MAF: variants seen among roughly 807,000 people sequenced by gnomAD.
The protein encoded by MAF is transcription factor Maf.
MAF carries 10 observed loss-of-function variants against 22.0 expected under a neutral mutation model. The ratio of observed to expected loss-of-function variants is 0.45; its 90% CI spans 0.28 to 0.77. The LOEUF (loss-of-function observed/expected upper bound fraction) is 0.77, where lower values mean the gene tolerates loss of function less well. Ranked by LOEUF, MAF falls within the 30% of genes least tolerant of loss-of-function variation. MAF has a pLI of 0.12. For synonymous variants in MAF, 337 were observed against 255.8 expected (o/e 1.32, Z -3.03); for missense variants, 544 against 548.4 (o/e 0.99, Z 0.08).
At chr16:79,209,665 C>T in the MAF span, among the ~76,000 whole-genome samples, 17,207 of 152,178 alleles carry the variant, frequency 0.11, 1,361 homozygotes, top group African/African-American at 0.22. Flanking sequence ...AAAACACCAT[C>T]TCCACCAGAA....
chr16:79,226,295 T>C, the MAF span, among the ~76,000 whole-genome samples: 14 of 151,946 alleles, frequency 9.2e-5, no homozygotes, highest in African/African-American at 3.4e-4. Flanking sequence ...AACCAAACAC[T>C]GTACGTTCTG....
At chr16:79,401,799 G>T in the MAF span, among the ~76,000 whole-genome samples, 1 of 152,212 alleles carries the variant, frequency 6.6e-6, no homozygotes, top group Non-Finnish European at 1.5e-5. Flanking sequence ...GACAAGAGCT[G>T]CTGAGATGAC....
chr16:79,240,665 A>G, the MAF span, among the ~76,000 whole-genome samples: 4 of 152,024 alleles, frequency 2.6e-5, no homozygotes, highest in East Asian at 3.9e-4. Context: ...AGAGAGCAGC[A>G]GAACTCCCAG....
the MAF span, among the ~76,000 whole-genome samples, chr16:79,251,055 A>G: frequency 3.5e-4 from 53 of 151,916 alleles, no homozygotes; most frequent in Admixed American, 3.3e-3. Context: ...TGACCTTCAG[A>G]GCAACCCTGA....
the MAF span, among the ~76,000 whole-genome samples, chr16:79,228,812 C>A: frequency 6.6e-6 from 1 of 151,814 alleles, no homozygotes. Flanking sequence ...GAGGTCCGCT[C>A]AGGGTTTCCA....
the MAF span, chr16:79,206,197 T>C: frequency 6.6e-6 from 1 of 152,208 alleles, no homozygotes; most frequent in Non-Finnish European, 1.5e-5. Flanking sequence ...TTTTAGGCCA[T>C]GTTAGGGCAT....
chr16:79,495,305 AT>A, the MAF span, among the ~76,000 whole-genome samples: 3 of 151,648 alleles, frequency 2.0e-5, no homozygotes, highest in Admixed American at 6.6e-5. Context: ...CTAAAAAAAC[AT>A]TTTTTTTTAA....
chr16:79,599,908 T>TGCCGCC lies in MAF; in HGVS notation c.-12_-7dup, dbSNP rs5818251. On this transcript the variant is annotated 5_prime_UTR_variant, in exon 1 of 2. Coordinates refer to ENST00000326043, the MANE Select transcript of MAF (RefSeq NM_005360.5). ...ATTGCCAGTTCTGATGCCATTCTCCTGCCGCCGCCGCCGCCGCCGCCGCCG... is the reference window on the plus strand; with the variant it reads ...ATTGCCAGTTCTGATGCCATTCTCCTGCCGCCGCCGCCGCCGCCGCCGCCGCCGCCG... The TGCCGCC allele has an allele frequency of 7.8e-5, 121 of 1,554,436 alleles. No homozygotes were observed. Among genetic ancestry groups the TGCCGCC allele is most frequent in the East Asian group, 6.6e-4 (28 of 42,504 alleles).
the MAF span, among the ~76,000 whole-genome samples, chr16:79,255,193 G>A: frequency 1.4e-4 from 21 of 152,278 alleles, 1 homozygote; most frequent in South Asian, 3.7e-3. Flanking sequence ...TGACACACAC[G>A]TTTGACTGAC....
chr16:79,306,027 C>A, the MAF span, among the ~76,000 whole-genome samples: 1 of 152,182 alleles, frequency 6.6e-6, no homozygotes, highest in African/African-American at 2.4e-5. Context: ...AGTCTAGGTT[C>A]TTGTATCTTA....
At chr16:79,548,654 G>A in the MAF span, among the ~76,000 whole-genome samples, 28,526 of 152,060 alleles carry the variant, frequency 0.19, 3,447 homozygotes, top group African/African-American at 0.33. Context: ...TGGATCCATG[G>A]AGCTCTGTTC....
the MAF span, among the ~76,000 whole-genome samples, chr16:79,222,767 G>C: frequency 3.3e-5 from 5 of 152,188 alleles, no homozygotes; most frequent in East Asian, 7.7e-4. Flanking sequence ...GATCAAAAGA[G>C]ACAAAGAAGG....
At chr16:79,476,697 G>C in the MAF span, among the ~76,000 whole-genome samples, 6 of 152,296 alleles carry the variant, frequency 3.9e-5, 1 homozygote, top group African/African-American at 9.6e-5. Context: ...CCTATGTTAG[G>C]GGGGAAGGCA....
At chr16:79,483,423 G>C in the MAF span, among the ~76,000 whole-genome samples, 1 of 150,890 alleles carries the variant, frequency 6.6e-6, no homozygotes, top group Admixed American at 6.6e-5. Context: ...AAGATAGGAA[G>C]GGAAGTGAAG....
At chr16:79,448,377 ATTT>A in the MAF span, among the ~76,000 whole-genome samples, 17 of 141,680 alleles carry the variant, frequency 1.2e-4, no homozygotes, top group Non-Finnish European at 1.5e-4. Context: ...GAATGCTAGC[ATTT>A]TTTTTTTTTT....
the MAF span, among the ~76,000 whole-genome samples, chr16:79,287,326 G>A: frequency 6.6e-6 from 1 of 152,240 alleles, no homozygotes; most frequent in African/African-American, 2.4e-5. Flanking sequence ...CAGAGAGGAA[G>A]CACTCCCGGG....
chr16:79,592,304 G>A (rs1389828147), downstream of MAF, among the ~76,000 whole-genome samples: 1 of 152,118 alleles, frequency 6.6e-6, no homozygotes, highest in Non-Finnish European at 1.5e-5. Context: ...AGACAGCCTG[G>A]GAGACTGAAA....
chr16:79,576,029 T>A, the MAF span, among the ~76,000 whole-genome samples: 1 of 151,886 alleles, frequency 6.6e-6, no homozygotes, highest in Non-Finnish European at 1.5e-5. Flanking sequence ...CTCCCACTAT[T>A]AATGGGAATA....
chr16:79,264,940 A>G, the MAF span, among the ~76,000 whole-genome samples: 1 of 152,346 alleles, frequency 6.6e-6, no homozygotes, highest in African/African-American at 2.4e-5. Context: ...TCAAAGGGGA[A>G]GACTGAGAAA....
Sources: allele counts gnomAD v4.1 joint callset (sites outside exome capture counted in the v4.1 genomes callset), GRCh38; gene constraint gnomAD v4.1.1; transcripts MANE v1.5; gene names NCBI Gene and HGNC (gene_info 2026-07-23, HGNC 2026-07-21).